Variants in FRMD6 observed in about 807,000 individuals in gnomAD.
FRMD6 encodes FERM domain-containing protein 6.
In FRMD6, 37 loss-of-function variants were observed where a neutral mutation model predicts 73.2. That is an observed-to-expected ratio of 0.51 (90% CI 0.39 to 0.66). The LOEUF (loss-of-function observed/expected upper bound fraction) is 0.66, where lower values mean the gene tolerates loss of function less well. Among genes scored for constraint, FRMD6 ranks in the 30% least tolerant of loss-of-function variants. The pLI is 0.00. For synonymous variants in FRMD6, 273 were observed against 282.2 expected, an observed-to-expected ratio of 0.97 and a Z score of 0.33; for missense variants, 714 against 780.5, an observed-to-expected ratio of 0.91 and a Z score of 1.02.
the FRMD6 span, among the ~76,000 whole-genome samples, chr14:51,430,983 T>A: frequency 2.7e-3 from 409 of 152,112 alleles, 1 homozygote; most frequent in Non-Finnish European, 3.9e-3. Context: ...ATGTATGGAG[T>A]ATGTATGTGT....
Position 51,630,327 on chromosome 14 carries a change from G to A in FRMD6, c.-146-59364G>A, listed in dbSNP as rs561131771. 5.3e-5 allele frequency among the ~76,000 whole-genome samples: 8 copies of A among 152,216 alleles called. No homozygotes were observed. In the East Asian group the frequency reaches 1.5e-3, roughly 29 times the overall value. ...GTCATTTTACAGGTAAAGAAGCACA[G>A]GCACAGAGTGTAGGCAAATTGCATA... On this transcript the variant is annotated intron_variant, in intron 2 of 14. Transcript: ENST00000356218.
rs1050797384 is a variant in FRMD6, at chr14:51,720,219, A to G, written c.1189A>G (p.Ile397Val). The G allele has an allele frequency of 2.5e-6, 4 of 1,613,814 alleles. No homozygotes were observed. The highest frequency in any genetic ancestry group is 3.4e-6 in the Non-Finnish European group (4 of 1,179,948). Residue 397 changes from isoleucine (I) to valine (V), a missense_variant, in exon 11 of 14, where the codon ATT (isoleucine) becomes GTT (valine). By Grantham distance (29) the Ile-to-Val change is conservative (BLOSUM62 3). Coordinates refer to ENST00000344768, the MANE Select transcript of FRMD6 (RefSeq NM_001267046.2). ...ASHSSSHTSG[I>V]EADTKPRDTG... is the part of the protein sequence containing the mutation. ...CCACAGCAGTTCCCACACCTCGGGC[A>G]TTGAGGCAGACACCAAGCCCCGGGA... is the stretch of plus-strand genomic sequence containing the variant.
chr14:51,564,119 G>GGCCC (rs1421067018), intron 1 of FRMD6, among the ~76,000 whole-genome samples: 3 of 152,090 alleles, frequency 2.0e-5, no homozygotes, highest in Non-Finnish European at 4.4e-5. Flanking sequence ...CCCACAGATT[G>GGCCC]GCCCGATTTC....
intron 1 of FRMD6, among the ~76,000 whole-genome samples, chr14:51,510,155 T>C (rs570806938): frequency 6.6e-6 from 1 of 152,364 alleles, no homozygotes; most frequent in African/African-American, 2.4e-5. Flanking sequence ...TGTGCACTAA[T>C]ATTTATGGAG....
rs930450507 is a variant in FRMD6, at chr14:51,496,977, C to G, written c.-210+7557C>G. ...AGCATATCCTGCCCCCTGTTCATTTCCTCTAAATTATACTTACAAGTTAAA... is the reference window on the plus strand; with the variant it reads ...AGCATATCCTGCCCCCTGTTCATTTGCTCTAAATTATACTTACAAGTTAAA... On this transcript the variant is annotated intron_variant, in intron 1 of 14. Transcript: ENST00000356218. Among the ~76,000 whole-genome samples the G allele has an allele frequency of 9.2e-5, 14 of 152,280 alleles. No homozygotes were observed. The East Asian group carries it at 2.1e-3, about 23-fold the overall frequency.
intron 1 of FRMD6, among the ~76,000 whole-genome samples, chr14:51,659,113 C>T (rs1365837137): frequency 7.2e-5 from 11 of 152,152 alleles, no homozygotes; most frequent in Admixed American, 5.9e-4. Context: ...ATGAGGTCTT[C>T]GAGATCAGTT....
chr14:51,660,501 A>T (rs1239184120), intron 1 of FRMD6, among the ~76,000 whole-genome samples: 1 of 152,140 alleles, frequency 6.6e-6, no homozygotes, highest in Non-Finnish European at 1.5e-5. Context: ...TTAAAAGACA[A>T]CTATGAAATT....
chr14:51,653,063 G>T (rs1392864173), intron 1 of FRMD6, among the ~76,000 whole-genome samples: 1 of 152,118 alleles, frequency 6.6e-6, no homozygotes, highest in African/African-American at 2.4e-5. Flanking sequence ...TGTTTTGCCA[G>T]TATTTCCCTC....
chr14:51,696,140 A>G (rs969253355), intron 2 of FRMD6, among the ~76,000 whole-genome samples: 128 of 151,536 alleles, frequency 8.4e-4, no homozygotes, highest in African/African-American at 2.9e-3. Flanking sequence ...ATATTTAATA[A>G]TTAAGGTATT....
chr14:51,501,672 T>C (rs190862925), intron 1 of FRMD6, among the ~76,000 whole-genome samples: 87 of 152,302 alleles, frequency 5.7e-4, no homozygotes, highest in African/African-American at 1.9e-3. Flanking sequence ...AGTACCACAA[T>C]GAACCAACGC....
chr14:51,467,820 C>T, the FRMD6 span, among the ~76,000 whole-genome samples: 1 of 151,602 alleles, frequency 6.6e-6, no homozygotes, highest in Non-Finnish European at 1.5e-5. Flanking sequence ...GGCGGCCGGG[C>T]AGAGGGGCTC....
intron 11 of FRMD6, among the ~76,000 whole-genome samples, chr14:51,721,671 A>G (rs899880465): frequency 3.6e-5 from 5 of 139,704 alleles, no homozygotes; most frequent in Non-Finnish European, 6.1e-5. Context: ...AGGAACAAGT[A>G]GTACCTGTTG....
At chr14:51,707,431 G>T (rs994270498) in intron 6 of FRMD6, among the ~76,000 whole-genome samples, 35 of 152,250 alleles carry the variant, frequency 2.3e-4, no homozygotes, top group African/African-American at 8.2e-4. Flanking sequence ...CTCTTAGCCT[G>T]CAGCTGCTGG....
intron 2 of FRMD6, among the ~76,000 whole-genome samples, chr14:51,632,217 C>A (rs1465548957): frequency 5.9e-5 from 9 of 152,142 alleles, no homozygotes. Context: ...TGAGGCCTCC[C>A]CAGCCATGCT....
intron 2 of FRMD6, among the ~76,000 whole-genome samples, chr14:51,617,163 C>G (rs1647986718): frequency 6.6e-6 from 1 of 152,178 alleles, no homozygotes; most frequent in African/African-American, 2.4e-5. Flanking sequence ...GCATGTAACA[C>G]AGTGAGTCAT....
chr14:51,415,724 A>G, the FRMD6 span, among the ~76,000 whole-genome samples: 598 of 152,338 alleles, frequency 3.9e-3, 2 homozygotes, highest in East Asian at 8.7e-3. Flanking sequence ...TTTCAGAAGG[A>G]ATGGTACCAG....
At chr14:51,576,577 C>T (rs779106119) in intron 2 of FRMD6, among the ~76,000 whole-genome samples, 7 of 152,088 alleles carry the variant, frequency 4.6e-5, no homozygotes, top group African/African-American at 9.7e-5. Flanking sequence ...TCTTTTGGTC[C>T]CCCATGAGTG....
At chr14:51,608,825 G>T (rs748998859) in intron 2 of FRMD6, among the ~76,000 whole-genome samples, 53 of 152,154 alleles carry the variant, frequency 3.5e-4, no homozygotes, top group Non-Finnish European at 8.8e-5. Flanking sequence ...GGAAGAGACA[G>T]TCCCTGCTCC....
At position 51,728,378 on chromosome 14, in the gene FRMD6, T is replaced by A. The variant is rs998821728; in HGVS notation, c.*349T>A. The A allele has an allele frequency of 2.5e-5, 5 of 198,148 alleles. No homozygotes were observed. The highest frequency in any genetic ancestry group is 5.2e-5 in the Admixed American group (1 of 19,276). The allele number at this position is 198,148 out of a possible 1,614,324, so 12.3% of individuals were successfully genotyped here. ...AGTTACATGTAACATCACATTTTTT[T>A]ATCACGTGAAAGATGTTAGATTTGT... On this transcript the variant is annotated 3_prime_UTR_variant, in exon 14 of 14. Coordinates refer to ENST00000344768, the MANE Select transcript of FRMD6 (RefSeq NM_001267046.2).
Sources: allele counts gnomAD v4.1 joint callset (sites outside exome capture counted in the v4.1 genomes callset), GRCh38; gene constraint gnomAD v4.1.1; transcripts MANE v1.5; gene names NCBI Gene and HGNC (gene_info 2026-07-23, HGNC 2026-07-21).